The following COBL variants were observed in gnomAD, a reference collection of about 807,000 sequenced individuals.
The protein encoded by COBL is cordon-bleu WH2 repeat protein.
In COBL, 51 loss-of-function variants were observed where a neutral mutation model predicts 98.8. The observed-to-expected ratio is 0.52, with a 90% CI of 0.41 to 0.65. The LOEUF is 0.65. Ranked by LOEUF, COBL falls within the 30% of genes least tolerant of loss-of-function variation. COBL has a pLI of 0.00. For missense variants in COBL, 1,617 were observed against 1,617.5 expected, an observed-to-expected ratio of 1.00 and a Z score of 0.01; for synonymous variants, 634 against 651.7, an observed-to-expected ratio of 0.97 and a Z score of 0.41.
intron 1 of COBL, among the ~76,000 whole-genome samples, chr7:51,249,870 G>A (rs1796575521): frequency 6.6e-6 from 1 of 152,152 alleles, no homozygotes; most frequent in South Asian, 2.1e-4. Flanking sequence ...GAGAGGTTGA[G>A]GCGGGCAGAT....
chr7:51,176,148 C>T (rs558064616), intron 5 of COBL, among the ~76,000 whole-genome samples: 69 of 152,256 alleles, frequency 4.5e-4, no homozygotes, highest in African/African-American at 1.5e-3. Context: ...CTTGTGAGGA[C>T]TGTGTTGCAC....
At chr7:51,299,187 C>T (rs1450465253) in intron 1 of COBL, among the ~76,000 whole-genome samples, 1 of 152,208 alleles carries the variant, frequency 6.6e-6, no homozygotes, top group African/African-American at 2.4e-5. Flanking sequence ...CACACACACA[C>T]ACACACTCCT....
chr7:51,208,827 G>A (rs1425963584), intron 2 of COBL, among the ~76,000 whole-genome samples: 3 of 152,012 alleles, frequency 2.0e-5, no homozygotes, highest in African/African-American at 4.8e-5. Context: ...TAAGGGCGGT[G>A]CAAGATGTGC....
intron 1 of COBL, among the ~76,000 whole-genome samples, chr7:51,289,993 G>A (rs1015164422): frequency 1.3e-5 from 2 of 152,160 alleles, no homozygotes; most frequent in Non-Finnish European, 2.9e-5. Flanking sequence ...CTATACGAGG[G>A]CCTTGGGAAA....
At chr7:51,079,279 T>C (rs1195524041) in intron 7 of COBL, among the ~76,000 whole-genome samples, 1 of 152,198 alleles carries the variant, frequency 6.6e-6, no homozygotes, top group African/African-American at 2.4e-5. Flanking sequence ...TTTGATGCAC[T>C]GTTGACTCTT....
At chr7:51,060,654 C>T (rs1256401359) in intron 7 of COBL, among the ~76,000 whole-genome samples, 1 of 152,152 alleles carries the variant, frequency 6.6e-6, no homozygotes, top group Non-Finnish European at 1.5e-5. Context: ...AAGGGAGTGG[C>T]ACCATCATTA....
intron 1 of COBL, among the ~76,000 whole-genome samples, chr7:51,258,294 C>T (rs1308231273): frequency 6.6e-6 from 1 of 152,074 alleles, no homozygotes; most frequent in East Asian, 1.9e-4. Context: ...CAAAACAAAG[C>T]CCCAGGAATC....
intron 1 of COBL, among the ~76,000 whole-genome samples, chr7:51,313,813 T>C (rs767157594): frequency 2.0e-5 from 3 of 152,222 alleles, no homozygotes; most frequent in Non-Finnish European, 4.4e-5. Flanking sequence ...GAGTTAAATA[T>C]ACTTCAAAAC....
intron 1 of COBL, among the ~76,000 whole-genome samples, chr7:51,270,832 T>C (rs1214413957): frequency 6.7e-6 from 1 of 148,208 alleles, no homozygotes; most frequent in South Asian, 2.1e-4. Context: ...TAAAAAAAAA[T>C]CAAAACCAAA....
intron 5 of COBL, among the ~76,000 whole-genome samples, chr7:51,175,677 A>AC (rs957277094): frequency 5.3e-5 from 8 of 152,238 alleles, no homozygotes; most frequent in Non-Finnish European, 1.2e-4. Flanking sequence ...ACTGAAGGAA[A>AC]CCAAAATATT....
intron 2 of COBL, among the ~76,000 whole-genome samples, chr7:51,198,067 T>A (rs1001090596): frequency 2.0e-5 from 3 of 152,214 alleles, no homozygotes; most frequent in African/African-American, 7.2e-5. Flanking sequence ...TGATGTTAGC[T>A]GGTTATTTTG....
intron 6 of COBL, among the ~76,000 whole-genome samples, chr7:51,109,686 G>C (rs1175018655): frequency 6.6e-6 from 1 of 152,054 alleles, no homozygotes; most frequent in Non-Finnish European, 1.5e-5. Context: ...TAAAAAAACT[G>C]ACTACATGCC....
Position 51,203,334 on chromosome 7 carries a change from C to T in COBL, c.246-9745G>A, listed in dbSNP as rs543703567. On this transcript the variant is annotated intron_variant, in intron 2 of 12. Transcript: ENST00000265136. ...AAAATTAGCCGGGTGTAGTGGCGGG[C>T]GCCTGTAGTCCCAGCTACTCGGGAG... 2.6e-3 allele frequency among the ~76,000 whole-genome samples: 352 copies of T among 133,132 alleles called. 11 individuals are homozygous for T. Among genetic ancestry groups the T allele is most frequent in the Middle Eastern group, 8.0e-3 (2 of 250 alleles). 87.3% of individuals were successfully genotyped at this position (133,132 alleles called of 152,430 possible).
chr7:51,062,701 C>T (rs1047145060), intron 7 of COBL, among the ~76,000 whole-genome samples: 1 of 152,218 alleles, frequency 6.6e-6, no homozygotes, highest in African/African-American at 2.4e-5. Context: ...TTTCCCTTGT[C>T]AGCCAGGGGC....
intron 5 of COBL, among the ~76,000 whole-genome samples, chr7:51,148,940 C>T (rs556256683): frequency 3.9e-5 from 6 of 152,036 alleles, no homozygotes; most frequent in Non-Finnish European, 8.8e-5. Flanking sequence ...ACAAAAAAAT[C>T]TCTTATCTTT....
At chr7:51,061,429 G>C (rs1197281506) in intron 7 of COBL, among the ~76,000 whole-genome samples, 1 of 152,122 alleles carries the variant, frequency 6.6e-6, no homozygotes, top group Admixed American at 6.5e-5. Flanking sequence ...TCTTCTGGAA[G>C]GGATGAGTGC....
chr7:51,076,921 T>C (rs1214146510), intron 7 of COBL, among the ~76,000 whole-genome samples: 1 of 152,236 alleles, frequency 6.6e-6, no homozygotes, highest in Non-Finnish European at 1.5e-5. Context: ...TCCATATGCA[T>C]TGATCTTTAA....
chr7:51,098,728 T>C lies in COBL; in HGVS notation c.958-13424A>G, dbSNP rs1349069153. On this transcript the variant is annotated intron_variant, in intron 6 of 12. Coordinates refer to ENST00000265136, the MANE Select transcript of COBL (RefSeq NM_015198.5). ...GGTTTCTTAGATATGGCACCAAAAG[T>C]ACAGACAACAAAAGCAAAAATAGAC... Among the ~76,000 whole-genome samples the C allele has an allele frequency of 2.6e-5, 4 of 152,186 alleles. No individual in the cohort carries two copies. In the East Asian group the frequency reaches 7.7e-4, roughly 29 times the overall value.
At chr7:51,220,248 C>T (rs1793506582) in intron 1 of COBL, among the ~76,000 whole-genome samples, 1 of 152,082 alleles carries the variant, frequency 6.6e-6, no homozygotes, top group South Asian at 2.1e-4. Flanking sequence ...AGGGTTTCGC[C>T]CGACCCTTTC....
Sources: allele counts gnomAD v4.1 joint callset (sites outside exome capture counted in the v4.1 genomes callset), GRCh38; gene constraint gnomAD v4.1.1; transcripts MANE v1.5; gene names NCBI Gene and HGNC (gene_info 2026-07-23, HGNC 2026-07-21).